Variants in CSMD1 observed in about 807,000 individuals in gnomAD.
CSMD1 encodes CUB and Sushi multiple domains 1.
Under a neutral mutation model 417.5 loss-of-function variants are expected in CSMD1, and 213 were observed. The observed-to-expected ratio is 0.51, with a 90% CI of 0.46 to 0.57. The LOEUF is 0.57. Ranked by LOEUF, CSMD1 falls within the 20% of genes least tolerant of loss-of-function variation. CSMD1 has a pLI of 0.00. For synonymous variants in CSMD1, 2,862 were observed against 1,736.8 expected, an observed-to-expected ratio of 1.65 and a Z score of -16.11; for missense variants, 6,923 against 4,529.7, an observed-to-expected ratio of 1.53 and a Z score of -15.17.
intron 18 of CSMD1, among the ~76,000 whole-genome samples, chr8:3,385,401 G>A (rs921841451): frequency 5.3e-5 from 8 of 151,020 alleles, no homozygotes; most frequent in Admixed American, 3.3e-4. Context: ...TATCCTATGC[G>A]GAAATCTATT....
At chr8:3,823,484 G>A (rs1019283178) in intron 5 of CSMD1, among the ~76,000 whole-genome samples, 1 of 152,060 alleles carries the variant, frequency 6.6e-6, no homozygotes, top group South Asian at 2.1e-4. Flanking sequence ...ATGTATTTTT[G>A]AACCATTTAG....
intron 3 of CSMD1, among the ~76,000 whole-genome samples, chr8:4,096,063 C>T (rs1007711777): frequency 3.3e-5 from 5 of 152,036 alleles, no homozygotes; most frequent in African/African-American, 4.8e-5. Flanking sequence ...CTTGTAACTA[C>T]AGTGTTGTTT....
At chr8:3,945,849 G>A (rs1458504332) in intron 5 of CSMD1, among the ~76,000 whole-genome samples, 2 of 152,038 alleles carry the variant, frequency 1.3e-5, no homozygotes. Flanking sequence ...AATATTGATT[G>A]TAGTGAATCA....
intron 5 of CSMD1, among the ~76,000 whole-genome samples, chr8:3,934,707 T>G (rs1001511846): frequency 6.6e-6 from 1 of 151,880 alleles, no homozygotes; most frequent in Admixed American, 6.6e-5. Flanking sequence ...TGCAAAAATT[T>G]AGCCGGGCAT....
intron 21 of CSMD1, among the ~76,000 whole-genome samples, chr8:3,358,511 A>G (rs1485023854): frequency 6.6e-6 from 1 of 152,224 alleles, no homozygotes; most frequent in Non-Finnish European, 1.5e-5. Context: ...GATTGCTAAT[A>G]AACGTCACCC....
At chr8:3,315,789 CTTAT>C (rs1416138816) in intron 23 of CSMD1, among the ~76,000 whole-genome samples, 1 of 152,112 alleles carries the variant, frequency 6.6e-6, no homozygotes, top group Non-Finnish European at 1.5e-5. Context: ...TTGGAACTGT[CTTAT>C]TTTTTATCAA....
intron 5 of CSMD1, among the ~76,000 whole-genome samples, chr8:3,803,767 T>C (rs555942715): frequency 2.1e-4 from 32 of 152,246 alleles, no homozygotes; most frequent in African/African-American, 7.7e-4. Flanking sequence ...CCTGAAGTAA[T>C]TTGAGTAACA....
rs1278458893 is a variant in CSMD1 at position 4,266,359 on chromosome 8, A to T, written c.415+153594T>A. Among the ~76,000 whole-genome samples the T allele has an allele frequency of 4.7e-5, 5 of 105,464 alleles. 2 individuals carry two copies. The highest frequency in any genetic ancestry group is 1.3e-4 in the African/African-American group (5 of 38,594). The allele number at this position is 105,464 out of a possible 152,430, so 69.2% of individuals were successfully genotyped here. On this transcript the variant is annotated intron_variant, in intron 3 of 69. Coordinates refer to ENST00000635120, the MANE Select transcript of CSMD1 (RefSeq NM_033225.6). ...TGGAGAAAAACAAACACAACTTTTT[A>T]ATATTTTCAAGAATATATTTGAAAA...
At chr8:4,796,568 C>T (rs1797994240) in intron 1 of CSMD1, among the ~76,000 whole-genome samples, 1 of 151,716 alleles carries the variant, frequency 6.6e-6, no homozygotes, top group African/African-American at 2.4e-5. Flanking sequence ...CCCTGTCTCC[C>T]ACTCACTGTG....
At chr8:3,767,473 T>C (rs1050409079) in intron 5 of CSMD1, among the ~76,000 whole-genome samples, 1 of 152,222 alleles carries the variant, frequency 6.6e-6, no homozygotes, top group African/African-American at 2.4e-5. Flanking sequence ...TGCTGTTCTC[T>C]CAAGCATCTT....
At chr8:3,106,691 T>A in intron 45 of CSMD1, 50 bp from the exon 46 acceptor site, 1 of 1,057,438 alleles carries the variant, frequency 9.5e-7, no homozygotes, top group Non-Finnish European at 1.4e-6. Context: ...ACCTTCTGAG[T>A]GTGTGAAGGT....
intron 40 of CSMD1, 118 bp downstream of exon 40, chr8:3,151,279 C>G (rs1819177561): frequency 4.6e-6 from 3 of 645,384 alleles, no homozygotes; most frequent in Non-Finnish European, 5.5e-6. Context: ...ATCTGTACGC[C>G]ACTTTCAATT....
intron 26 of CSMD1, among the ~76,000 whole-genome samples, chr8:3,243,870 A>C (rs906811498): frequency 2.0e-5 from 3 of 151,972 alleles, no homozygotes; most frequent in Non-Finnish European, 4.4e-5. Flanking sequence ...TGCTAAAACA[A>C]AGTTGGGGCC....
At chr8:4,112,741 A>T (rs1288602011) in intron 3 of CSMD1, among the ~76,000 whole-genome samples, 1 of 152,218 alleles carries the variant, frequency 6.6e-6, no homozygotes, top group African/African-American at 2.4e-5. Context: ...TAAAAATATT[A>T]AACAATATAT....
At chr8:3,726,763 C>T (rs1465768970) in intron 6 of CSMD1, among the ~76,000 whole-genome samples, 1 of 152,134 alleles carries the variant, frequency 6.6e-6, no homozygotes, top group Admixed American at 6.5e-5. Flanking sequence ...CATTCCTGAG[C>T]CTTATTCTTA....
intron 21 of CSMD1, among the ~76,000 whole-genome samples, chr8:3,357,948 G>A (rs1348268): frequency 0.06 from 9,171 of 152,048 alleles, 464 homozygotes; most frequent in East Asian, 0.22. Flanking sequence ...TTTTAATAAC[G>A]AAATTCTGAC....
chr8:3,950,271 A>G (rs1039317864), intron 5 of CSMD1, among the ~76,000 whole-genome samples: 1 of 152,200 alleles, frequency 6.6e-6, no homozygotes, highest in African/African-American at 2.4e-5. Flanking sequence ...ATACTTAAAC[A>G]CAAATTATCA....
chr8:4,912,135 A>AG (rs1554518069), intron 1 of CSMD1, among the ~76,000 whole-genome samples: 61 of 115,668 alleles, frequency 5.3e-4, no homozygotes, highest in African/African-American at 1.6e-3. Flanking sequence ...AAAAAAAAAA[A>AG]AAAAAAGAAA....
At chr8:3,440,609 G>A (rs1371154305) in intron 12 of CSMD1, among the ~76,000 whole-genome samples, 2 of 152,122 alleles carry the variant, frequency 1.3e-5, no homozygotes, top group Non-Finnish European at 2.9e-5. Flanking sequence ...CAGGTTTACT[G>A]TTTTTCTTTG....
Sources: gnomAD v4.1 joint callset for allele counts (sites outside exome capture counted in the v4.1 genomes callset) on GRCh38, gnomAD v4.1.1 for gene constraint, MANE v1.5 for transcripts, NCBI Gene and HGNC (gene_info 2026-07-23, HGNC 2026-07-21) for gene names.